FAM133A: variants seen among roughly 807,000 people sequenced by gnomAD.
FAM133A encodes protein FAM133A.
For missense variants in FAM133A, 159 were observed against 164.4 expected, an observed-to-expected ratio of 0.97 and a Z score of 0.18; for synonymous variants, 65 against 58.6, an observed-to-expected ratio of 1.11 and a Z score of -0.50.
chrX:93,688,608 A>G (rs1925693252), intron 2 of FAM133A, among the ~76,000 whole-genome samples: 1 of 111,579 alleles, frequency 9.0e-6, no homozygotes, highest in Non-Finnish European at 1.9e-5. Flanking sequence ...AATGTTTTTC[A>G]TTTCATTTCA....
At chrX:93,707,828 T>A in intron 3 of FAM133A, among the ~76,000 whole-genome samples, 1 of 111,897 alleles carries the variant, frequency 8.9e-6, no homozygotes, top group Middle Eastern at 4.6e-3. Context: ...AGAAAATATT[T>A]ATTGAGTGCT....
At chrX:93,675,352 T>C (rs1602778082) in intron 2 of FAM133A, among the ~76,000 whole-genome samples, 1 of 112,176 alleles carries the variant, frequency 8.9e-6, no homozygotes, top group Admixed American at 9.4e-5. Flanking sequence ...AATCTTTTCA[T>C]TTAATTTATC....
intron 2 of FAM133A, among the ~76,000 whole-genome samples, chrX:93,682,848 C>T (rs1346205245): frequency 9.0e-6 from 1 of 111,563 alleles, no homozygotes; most frequent in African/African-American, 3.3e-5. Context: ...CTCCTGACTT[C>T]AAGTGATCCA....
intron 2 of FAM133A, among the ~76,000 whole-genome samples, chrX:93,680,019 C>T (rs916853641): frequency 1.0e-5 from 1 of 99,397 alleles, no homozygotes; most frequent in African/African-American, 3.9e-5. Flanking sequence ...TCTCGTGATC[C>T]GCCCACATTG....
chrX:93,692,216 G>A (rs951036025), intron 2 of FAM133A, among the ~76,000 whole-genome samples: 11 of 111,454 alleles, frequency 9.9e-5, no homozygotes, highest in African/African-American at 2.3e-4. Flanking sequence ...TGGGAATGTC[G>A]TGTTGCCACT....
At chrX:93,697,766 C>A (rs950232960) in intron 2 of FAM133A, among the ~76,000 whole-genome samples, 1 of 111,460 alleles carries the variant, frequency 9.0e-6, no homozygotes, top group African/African-American at 3.3e-5. Context: ...TGGGACCATA[C>A]TTTGAGTTCC....
intron 2 of FAM133A, among the ~76,000 whole-genome samples, chrX:93,675,532 A>G (rs1443670328): frequency 9.0e-6 from 1 of 111,353 alleles, no homozygotes; most frequent in African/African-American, 3.3e-5. Flanking sequence ...TGCTATAATC[A>G]AAGTGTCCCT....
intron 3 of FAM133A, among the ~76,000 whole-genome samples, chrX:93,706,847 A>G (rs1287790763): frequency 8.9e-6 from 1 of 111,985 alleles, no homozygotes; most frequent in Admixed American, 9.5e-5. Context: ...TCTTGTCTAC[A>G]TGAATTTTTA....
intron 2 of FAM133A, among the ~76,000 whole-genome samples, chrX:93,688,726 C>G (rs185636088): frequency 9.0e-6 from 1 of 110,962 alleles, no homozygotes; most frequent in Non-Finnish European, 1.9e-5. Context: ...ATATGTAGCA[C>G]TATATTGATT....
intron 2 of FAM133A, among the ~76,000 whole-genome samples, chrX:93,696,642 CG>C (rs1569350607): frequency 9.0e-6 from 1 of 111,522 alleles, no homozygotes; most frequent in Non-Finnish European, 1.9e-5. Flanking sequence ...TATAGGCGGC[CG>C]GGCGCAGTGG....
chrX:93,694,444 G>A (rs1926094330), intron 2 of FAM133A, among the ~76,000 whole-genome samples: 1 of 111,427 alleles, frequency 9.0e-6, no homozygotes, highest in Non-Finnish European at 1.9e-5. Context: ...TAAATCCCCA[G>A]TAAGATAAAA....
In FAM133A at chrX:93,712,147, A is replaced by G. The variant is rs1190796633; in HGVS notation, c.*1981A>G. The G allele has an allele frequency of 3.2e-5, 4 of 123,415 alleles. No individual in the cohort carries two copies. The highest frequency in any genetic ancestry group is 1.3e-4 in the African/African-American group (4 of 30,828). 10.2% of individuals were successfully genotyped at this position (123,415 alleles called of 1,213,427 possible). Reference sequence around the variant, plus strand: ...GAAAGCAAGATGTTCCAAATGGCATACTTACAAGACGGATGCAACCTGGGT... The same window carrying G: ...GAAAGCAAGATGTTCCAAATGGCATGCTTACAAGACGGATGCAACCTGGGT... On this transcript the variant is annotated 3_prime_UTR_variant, in exon 4 of 4. Coordinates refer to ENST00000683942, the MANE Select transcript of FAM133A (RefSeq NM_001171109.2).
intron 2 of FAM133A, among the ~76,000 whole-genome samples, chrX:93,697,803 T>C (rs758682895): frequency 1.8e-5 from 2 of 111,985 alleles, no homozygotes; most frequent in South Asian, 7.4e-4. Context: ...CTGTTTTTAC[T>C]GTCAGAGTTC....
At chrX:93,681,287 G>A (rs5983590) in intron 2 of FAM133A, among the ~76,000 whole-genome samples, 1 of 104,788 alleles carries the variant, frequency 9.5e-6, no homozygotes, top group African/African-American at 3.5e-5. Context: ...GATATATTCT[G>A]TCTATCTATC....
At chrX:93,697,951 T>C (rs1926415826) in intron 2 of FAM133A, among the ~76,000 whole-genome samples, 1 of 111,712 alleles carries the variant, frequency 9.0e-6, no homozygotes, top group South Asian at 3.7e-4. Context: ...ATTAATTTAC[T>C]TTATTAGGTT....
upstream of FAM133A, chrX:93,674,037 G>GGC (rs1235371141): frequency 9.7e-6 from 1 of 102,579 alleles, no homozygotes; most frequent in African/African-American, 3.7e-5. Context: ...TGGTCCAAAT[G>GGC]GCGTCATTGG....
At chrX:93,708,095 GT>G (rs980009310) in intron 3 of FAM133A, among the ~76,000 whole-genome samples, 5 of 112,168 alleles carry the variant, frequency 4.5e-5, no homozygotes, top group Non-Finnish European at 9.4e-5. Flanking sequence ...ATAAAAAGTT[GT>G]TGATCTTTAA....
intron 2 of FAM133A, among the ~76,000 whole-genome samples, chrX:93,689,599 G>C (rs1292243679): frequency 9.2e-6 from 1 of 109,111 alleles, no homozygotes; most frequent in African/African-American, 3.3e-5. Context: ...AACAAGGTAT[G>C]TTTACATATA....
In FAM133A at chrX:93,710,941, G is replaced by A. The variant is rs1440858017; in HGVS notation, c.*775G>A. Reference sequence around the variant, plus strand: ...AAATAACTTTATACCCATTTTGTATGGGAACCATTCTAAACAGACCCTGAT... The same window carrying A: ...AAATAACTTTATACCCATTTTGTATAGGAACCATTCTAAACAGACCCTGAT... On this transcript the variant is annotated 3_prime_UTR_variant, in exon 4 of 4. Coordinates refer to ENST00000683942, the MANE Select transcript of FAM133A (RefSeq NM_001171109.2). 1 of 122,815 alleles carries A rather than the reference G, an allele frequency of 8.1e-6. No individual in the cohort carries two copies. Among genetic ancestry groups the A allele is most frequent in the Non-Finnish European group, 1.9e-5 (1 of 53,104 alleles). 10.1% of individuals were successfully genotyped at this position (122,815 alleles called of 1,213,427 possible). A position where few individuals can be genotyped will look rare whatever the true frequency, so the allele number is the denominator to read the frequency against.
Sources: gnomAD v4.1 joint callset for allele counts (sites outside exome capture counted in the v4.1 genomes callset) on GRCh38, gnomAD v4.1.1 for gene constraint, MANE v1.5 for transcripts, NCBI Gene and HGNC (gene_info 2026-07-23, HGNC 2026-07-21) for gene names.